Variants in FILIP1L observed in about 807,000 individuals in gnomAD.
The protein encoded by FILIP1L is filamin A interacting protein 1 like.
A neutral mutation model predicts 96.6 loss-of-function variants in FILIP1L; 55 were observed. The ratio of observed to expected loss-of-function variants is 0.57; its 90% CI spans 0.46 to 0.71. The LOEUF (loss-of-function observed/expected upper bound fraction) is 0.71. FILIP1L is among the 30% of genes least tolerant of loss of function. The pLI is 0.00. For synonymous variants in FILIP1L, 467 were observed against 473.9 expected (o/e 0.99, Z 0.19); for missense variants, 1,304 against 1,321.2 (o/e 0.99, Z 0.20).
Position 99,955,968 on chromosome 3 carries a change from A to G in FILIP1L, c.-10-24938T>C, listed in dbSNP as rs1708309197. Among the ~76,000 whole-genome samples, 3 of 152,180 alleles carry G rather than the reference A, an allele frequency of 2.0e-5. No individual in the cohort carries two copies. In the South Asian group the frequency reaches 6.2e-4, roughly 32 times the overall value. ...ATTGTTATGACGTATTTACTTGCCTAACTCCCGGACTTGACCTTGGAGTCC... is the reference window on the plus strand; with the variant it reads ...ATTGTTATGACGTATTTACTTGCCTGACTCCCGGACTTGACCTTGGAGTCC... On this transcript the variant is annotated intron_variant, in intron 1 of 5. Coordinates refer to ENST00000477258, the MANE Select transcript of FILIP1L (RefSeq NM_001387850.1).
rs1707425834 is a variant in FILIP1L at position 99,929,998 on chromosome 3, G to T, written c.284C>A (p.Ala95Asp). The change falls in exon 3 of 6, where the codon GCT (alanine) becomes GAT (aspartate). Residue 95 changes from alanine (A) to aspartate (D), a missense_variant. By Grantham distance (126) the Ala-to-Asp change is moderately radical. Coordinates refer to ENST00000477258, the MANE Select transcript of FILIP1L (RefSeq NM_001387850.1). Reference protein sequence around the residue: ...ARDEVIGILKAEKMDLALLEA... With the variant: ...ARDEVIGILKDEKMDLALLEA... ...CAGCAAAGCCAGGTCCATTTTTTCA[G>T]CCTTTAAAATGCCTATGACCTCATC... The T allele has an allele frequency of 1.9e-6, 3 of 1,613,416 alleles. No individual in the cohort carries two copies. Among genetic ancestry groups the T allele is most frequent in the Non-Finnish European group, 2.5e-6 (3 of 1,179,790 alleles).
intron 1 of FILIP1L, among the ~76,000 whole-genome samples, chr3:99,940,793 A>C (rs1311785179): frequency 6.6e-6 from 1 of 152,222 alleles, no homozygotes; most frequent in Non-Finnish European, 1.5e-5. Context: ...GCCTAGGCCA[A>C]CCCAGCCTAA....
intron 1 of FILIP1L, among the ~76,000 whole-genome samples, chr3:99,943,932 G>C (rs1487114692): frequency 6.6e-6 from 1 of 152,140 alleles, no homozygotes; most frequent in African/African-American, 2.4e-5. Flanking sequence ...GGGTTATTGG[G>C]AGGATTAGAG....
At chr3:99,873,332 G>A (rs1430250971) in intron 4 of FILIP1L, among the ~76,000 whole-genome samples, 2 of 152,188 alleles carry the variant, frequency 1.3e-5, no homozygotes, top group Non-Finnish European at 2.9e-5. Flanking sequence ...AACAGATAAG[G>A]TAGGGTGTAT....
chr3:99,876,587 C>A (rs1428774301), intron 4 of FILIP1L, among the ~76,000 whole-genome samples: 2 of 151,996 alleles, frequency 1.3e-5, no homozygotes, highest in East Asian at 3.9e-4. Flanking sequence ...TGGGGGTAGG[C>A]GGGAGAGGGA....
intron 1 of FILIP1L, among the ~76,000 whole-genome samples, chr3:100,002,432 C>G (rs1377650081): frequency 1.3e-5 from 2 of 152,088 alleles, no homozygotes; most frequent in African/African-American, 4.8e-5. Flanking sequence ...AGTGAATATT[C>G]ACATTTTCTA....
intron 4 of FILIP1L, among the ~76,000 whole-genome samples, chr3:99,865,875 C>T (rs982533679): frequency 1.3e-5 from 2 of 151,786 alleles, no homozygotes; most frequent in Non-Finnish European, 2.9e-5. Flanking sequence ...TGTATTTTAG[C>T]AGATTAAAGA....
chr3:99,849,607 G>A lies in FILIP1L; in HGVS notation c.2069C>T (p.Ala690Val). Residue 690 changes from alanine to valine, a missense_variant, in exon 5 of 6, where the codon GCA (alanine) becomes GTA (valine). Ala to Val is a moderately conservative substitution (Grantham distance 64). Transcript: ENST00000477258. ...VKMELAKYKL[A>V]EKTETSHEQW... ...TTCATGGCTGGTCTCTGTCTTTTCTGCTAACTTGTACTTAGCAAGTTCCAT... is the reference window on the plus strand; with the variant it reads ...TTCATGGCTGGTCTCTGTCTTTTCTACTAACTTGTACTTAGCAAGTTCCAT... The A allele has an allele frequency of 6.2e-7, 1 of 1,613,190 alleles. No individual in the cohort carries two copies. Among genetic ancestry groups the A allele is most frequent in the South Asian group, 1.1e-5 (1 of 91,042 alleles).
At chr3:99,980,951 T>C (rs1387222270) in intron 1 of FILIP1L, among the ~76,000 whole-genome samples, 1 of 152,120 alleles carries the variant, frequency 6.6e-6, no homozygotes, top group African/African-American at 2.4e-5. Flanking sequence ...TGCTGGACAA[T>C]TGGGACCCAT....
chr3:99,892,892 T>C (rs1194146925), intron 4 of FILIP1L, among the ~76,000 whole-genome samples: 2 of 152,208 alleles, frequency 1.3e-5, no homozygotes, highest in Non-Finnish European at 2.9e-5. Context: ...AAGTTATCTT[T>C]TACATAAATT....
At chr3:100,060,803 T>G (rs1355361238) in intron 1 of FILIP1L, among the ~76,000 whole-genome samples, 1 of 152,084 alleles carries the variant, frequency 6.6e-6, no homozygotes, top group African/African-American at 2.4e-5. Flanking sequence ...GAGGTTGCAC[T>G]AAGCCAAGAT....
intron 1 of FILIP1L, 60 bp from the exon 2 acceptor site, chr3:99,931,090 C>G: frequency 2.2e-6 from 3 of 1,366,404 alleles, no homozygotes; most frequent in East Asian, 4.6e-5. Flanking sequence ...ATAAGAGTAC[C>G]TATTACTGCT....
At chr3:99,869,277 C>T (rs777660913) in intron 4 of FILIP1L, among the ~76,000 whole-genome samples, 2 of 152,124 alleles carry the variant, frequency 1.3e-5, no homozygotes, top group Non-Finnish European at 2.9e-5. Context: ...CATCTGTGTT[C>T]AGCCTAATGA....
intron 1 of FILIP1L, among the ~76,000 whole-genome samples, chr3:100,056,701 T>TAA (rs71299385): frequency 1.1e-4 from 16 of 145,502 alleles, no homozygotes; most frequent in Non-Finnish European, 1.2e-4. Context: ...TCTAGACCAT[T>TAA]AAAAAAAAAA....
At chr3:99,832,971 A>G (rs1370299885) in intron 5 of FILIP1L, among the ~76,000 whole-genome samples, 1 of 151,922 alleles carries the variant, frequency 6.6e-6, no homozygotes, top group African/African-American at 2.4e-5. Flanking sequence ...CGTTATGTCA[A>G]ATAGCTCCAA....
intron 1 of FILIP1L, among the ~76,000 whole-genome samples, chr3:100,080,873 A>G (rs757190219): frequency 1.6e-4 from 25 of 152,216 alleles, no homozygotes; most frequent in Non-Finnish European, 1.8e-4. Flanking sequence ...TTTTCCTGCC[A>G]TGGTTACCAA....
At chr3:100,070,654 G>A (rs77673664) in intron 1 of FILIP1L, among the ~76,000 whole-genome samples, 46 of 152,010 alleles carry the variant, frequency 3.0e-4, no homozygotes, top group African/African-American at 1.1e-3. Flanking sequence ...TTTTTGAGAC[G>A]GAGTTTCACT....
At position 99,916,437 on chromosome 3, in the gene FILIP1L, TACACACACACACAC is replaced by T. The variant is rs10529210; in HGVS notation, c.605+7779_605+7792del. Among the ~76,000 whole-genome samples the T allele has an allele frequency of 3.6e-3, 487 of 137,148 alleles. 1 individual carries two copies. The highest frequency in any genetic ancestry group is 9.6e-3 in the African/African-American group (345 of 35,998). 90.0% of individuals were successfully genotyped at this position (137,148 alleles called of 152,430 possible). ...GCCAACACTTTATAATAACGGTTTA[TACACACACACACAC>T]ACACACACACACACACACACACACA... On this transcript the variant is annotated intron_variant, in intron 4 of 5. Coordinates refer to ENST00000477258, the MANE Select transcript of FILIP1L (RefSeq NM_001387850.1).
At chr3:99,853,069 G>C (rs984817052) in intron 4 of FILIP1L, among the ~76,000 whole-genome samples, 2 of 152,170 alleles carry the variant, frequency 1.3e-5, no homozygotes, top group Non-Finnish European at 2.9e-5. Flanking sequence ...TTCTGGCCAT[G>C]CCCCATCCCT....
Sources: allele counts gnomAD v4.1 joint callset (sites outside exome capture counted in the v4.1 genomes callset), GRCh38; gene constraint gnomAD v4.1.1; transcripts MANE v1.5; gene names NCBI Gene and HGNC (gene_info 2026-07-23, HGNC 2026-07-21).